Variants in HIRA observed in about 807,000 individuals in gnomAD.
HIRA encodes the protein histone cell cycle regulator.
A neutral mutation model predicts 126.6 loss-of-function variants in HIRA; 13 were observed. That is an observed-to-expected ratio of 0.10 (90% CI 0.07 to 0.16). HIRA has a LOEUF of 0.16. HIRA is among the 10% of genes least tolerant of loss of function. The probability of loss-of-function intolerance (pLI) is 1.00; values close to 1 mark genes in which losing one functional copy is unlikely to be tolerated. For missense variants in HIRA, 834 were observed against 1,314.4 expected (o/e 0.63, Z 5.65); for synonymous variants, 511 against 520.0 (o/e 0.98, Z 0.24).
At chr22:19,335,536 C>T (rs113887422) in intron 24 of HIRA, among the ~76,000 whole-genome samples, 2,140 of 152,254 alleles carry the variant, frequency 0.014, 39 homozygotes, top group African/African-American at 0.048. Context: ...TGAGCCACCG[C>T]GCCGAACGAG....
At chr22:19,384,107 C>T (rs560443622) in intron 12 of HIRA, among the ~76,000 whole-genome samples, 16 of 152,162 alleles carry the variant, frequency 1.1e-4, no homozygotes, top group African/African-American at 3.9e-4. Flanking sequence ...ATCACAAGGT[C>T]AGGAGATCGA....
intron 15 of HIRA, among the ~76,000 whole-genome samples, chr22:19,369,565 C>T (rs937159749): frequency 3.9e-5 from 6 of 152,102 alleles, no homozygotes; most frequent in Non-Finnish European, 8.8e-5. Flanking sequence ...AAGTGGGGGA[C>T]CTGGGCCTAA....
At chr22:19,416,441 A>G (rs111625150) in intron 1 of HIRA, among the ~76,000 whole-genome samples, 2,054 of 152,018 alleles carry the variant, frequency 0.014, 26 homozygotes, top group African/African-American at 0.032. Context: ...CTCCCACCTC[A>G]GTCTCCTGAG....
chr22:19,397,448 G>T (rs2089233346), intron 6 of HIRA, among the ~76,000 whole-genome samples: 1 of 152,192 alleles, frequency 6.6e-6, no homozygotes, highest in Admixed American at 6.5e-5. Context: ...ACATGCTGGT[G>T]GCTTTCAAAG....
At chr22:19,354,220 C>A (rs1601811855) in intron 21 of HIRA, 102 bp from the exon 22 acceptor site, 4 of 1,213,374 alleles carry the variant, frequency 3.3e-6, no homozygotes, top group Non-Finnish European at 4.5e-6. Flanking sequence ...AGAGAAGCAG[C>A]CCCTGCCGAC....
intron 1 of HIRA, among the ~76,000 whole-genome samples, chr22:19,425,957 G>C (rs543021638): frequency 6.6e-6 from 1 of 152,328 alleles, no homozygotes; most frequent in East Asian, 1.9e-4. Context: ...GTTGCAGTGA[G>C]CTGAGACCAT....
chr22:19,352,713 C>A (rs2088771042), intron 23 of HIRA, among the ~76,000 whole-genome samples: 1 of 152,074 alleles, frequency 6.6e-6, no homozygotes, highest in Non-Finnish European at 1.5e-5. Context: ...AGGGTGATGA[C>A]AAAAATAAAG....
At chr22:19,377,158 C>T (rs1272659892) in intron 14 of HIRA, among the ~76,000 whole-genome samples, 1 of 152,192 alleles carries the variant, frequency 6.6e-6, no homozygotes, top group Non-Finnish European at 1.5e-5. Context: ...AGATACCAGC[C>T]CCTCTTTGGA....
chr22:19,395,475 G>A (rs1464699863), intron 7 of HIRA, among the ~76,000 whole-genome samples: 1 of 152,172 alleles, frequency 6.6e-6, no homozygotes, highest in Non-Finnish European at 1.5e-5. Context: ...TCAGAGCCCT[G>A]AGGAACTCCA....
At chr22:19,354,182 A>G in intron 21 of HIRA, 64 bp from the exon 22 acceptor site, 3 of 1,538,258 alleles carry the variant, frequency 2.0e-6, no homozygotes, top group Non-Finnish European at 2.6e-6. Flanking sequence ...CCTCTTTGCC[A>G]ACCAGAGAAG....
At chr22:19,358,263 C>T (rs1556013323) in intron 18 of HIRA, among the ~76,000 whole-genome samples, 1 of 152,218 alleles carries the variant, frequency 6.6e-6, no homozygotes, top group African/African-American at 2.4e-5. Flanking sequence ...CAGAGCCTGG[C>T]TCAAGCCAGC....
chr22:19,402,413 G>GA (rs2146236677), intron 5 of HIRA, among the ~76,000 whole-genome samples: 1 of 152,104 alleles, frequency 6.6e-6, no homozygotes, highest in South Asian at 2.1e-4. Flanking sequence ...CTTATTCCTG[G>GA]ATATTTATAA....
intron 24 of HIRA, among the ~76,000 whole-genome samples, chr22:19,344,983 C>A (rs922016328): frequency 6.6e-6 from 1 of 152,118 alleles, no homozygotes; most frequent in Non-Finnish European, 1.5e-5. Context: ...AAAACTATCT[C>A]GACATAGTAA....
chr22:19,341,114 G>A (rs2088623345), intron 24 of HIRA, among the ~76,000 whole-genome samples: 2 of 151,958 alleles, frequency 1.3e-5, no homozygotes, highest in Non-Finnish European at 2.9e-5. Context: ...CCAGGAGTTC[G>A]AAACCAGTCT....
intron 24 of HIRA, among the ~76,000 whole-genome samples, chr22:19,342,835 C>A (rs541671379): frequency 3.3e-5 from 5 of 152,142 alleles, no homozygotes; most frequent in African/African-American, 1.2e-4. Flanking sequence ...TGCAAAAATA[C>A]GGAACCAGTC....
chr22:19,385,505 C>T lies in HIRA; in HGVS notation c.1329+16G>A. The T allele has an allele frequency of 6.2e-7, 1 of 1,610,692 alleles. No individual in the cohort carries two copies. The highest frequency in any genetic ancestry group is 1.1e-5 in the South Asian group (1 of 91,020). On this transcript the variant is annotated intron_variant, in intron 12 of 24. Transcript: ENST00000263208. ...CATATGTCCATGTCTTTAGCGCCACCAGGCAGGGCTCTCACCTTCCTGATA... is the reference window on the plus strand; with the variant it reads ...CATATGTCCATGTCTTTAGCGCCACTAGGCAGGGCTCTCACCTTCCTGATA...
At chr22:19,389,859 T>TA (rs200468337) in intron 9 of HIRA, among the ~76,000 whole-genome samples, 1,636 of 125,978 alleles carry the variant, frequency 0.013, 14 homozygotes, top group African/African-American at 0.022. Flanking sequence ...ATACTTGGCC[T>TA]AAAAAAAAAA....
chr22:19,356,884 T>A lies in HIRA; in HGVS notation c.2396+6A>T. The A allele has an allele frequency of 6.2e-7, 1 of 1,613,440 alleles. No individual in the cohort carries two copies. Among genetic ancestry groups the A allele is most frequent in the South Asian group, 1.1e-5 (1 of 91,070 alleles). On this transcript the variant is annotated splice_donor_region_variant and intron_variant, in intron 19 of 24. Transcript: ENST00000263208. ...AAGCCCACCCCACCCTGTGCCTGCCTCTCACCAGACAGAGAGTGTGGCTGC... is the reference window on the plus strand; with the variant it reads ...AAGCCCACCCCACCCTGTGCCTGCCACTCACCAGACAGAGAGTGTGGCTGC...
intron 6 of HIRA, 24 bp downstream of exon 6, chr22:19,397,968 A>C: frequency 6.3e-7 from 1 of 1,582,390 alleles, no homozygotes; most frequent in South Asian, 1.1e-5. Context: ...GCTTGCTGTT[A>C]ACCAGTCAGA....
Sources: gnomAD v4.1 joint callset for allele counts (sites outside exome capture counted in the v4.1 genomes callset) on GRCh38, gnomAD v4.1.1 for gene constraint, MANE v1.5 for transcripts, NCBI Gene and HGNC (gene_info 2026-07-23, HGNC 2026-07-21) for gene names.